Variants in GALM observed in about 807,000 individuals in gnomAD.
GALM encodes aldose 1-epimerase.
In GALM, 43 loss-of-function variants were observed where a neutral mutation model predicts 37.4. That is an observed-to-expected ratio of 1.15 (90% CI 0.90 to 1.48). The LOEUF is 1.48. Ranked by LOEUF, GALM falls within the 40% of genes most tolerant of loss-of-function variation. The pLI is 0.00. For missense variants in GALM, 456 were observed against 419.1 expected, an observed-to-expected ratio of 1.09 and a Z score of -0.77; for synonymous variants, 199 against 170.6, an observed-to-expected ratio of 1.17 and a Z score of -1.30.
intron 1 of GALM, among the ~76,000 whole-genome samples, chr2:38,671,135 A>G (rs377508688): frequency 3.3e-5 from 5 of 152,236 alleles, no homozygotes; most frequent in Non-Finnish European, 7.3e-5. Flanking sequence ...GGTTAAATCA[A>G]TATTCATGGC....
intron 4 of GALM, among the ~76,000 whole-genome samples, chr2:38,705,003 C>T (rs776805784): frequency 4.6e-5 from 7 of 152,184 alleles, no homozygotes; most frequent in Non-Finnish European, 1.0e-4. Flanking sequence ...AAACATGAAC[C>T]AGCATGGTAG....
intron 4 of GALM, among the ~76,000 whole-genome samples, chr2:38,709,630 GA>G (rs1666110527): frequency 6.6e-6 from 1 of 151,600 alleles, no homozygotes; most frequent in African/African-American, 2.4e-5. Context: ...AGAGGAAAGG[GA>G]AAAAAACCTG....
intron 3 of GALM, among the ~76,000 whole-genome samples, chr2:38,688,481 G>A (rs911435280): frequency 3.2e-4 from 49 of 151,578 alleles, no homozygotes; most frequent in East Asian, 3.9e-4. Context: ...ATTGCATTCC[G>A]GCCTTGGCAA....
At chr2:38,675,466 T>C (rs1384237800) in intron 1 of GALM, among the ~76,000 whole-genome samples, 1 of 151,508 alleles carries the variant, frequency 6.6e-6, no homozygotes, top group Non-Finnish European at 1.5e-5. Flanking sequence ...TGTGCAGCAT[T>C]CGTCTGAAGA....
chr2:38,675,551 GTGTGTGTGTGTGT>G (rs1665237401), intron 1 of GALM, among the ~76,000 whole-genome samples: 1 of 79,954 alleles, frequency 1.3e-5, no homozygotes, highest in African/African-American at 7.1e-5. Context: ...TTTTGTGTGT[GTGTGTGTGTGTGT>G]GTGTGTGTGT....
Position 38,689,828 on chromosome 2 carries a change from A to T in GALM, c.568A>T (p.Asn190Tyr), listed in dbSNP as rs6741892. ...NLAGQASPNI[N>Y]DHEVTIEADT... is the part of the protein sequence containing the mutation. Reference sequence around the variant, plus strand: ...TTCCTCCCAGGCTTCCCCAAATATAAATGACCATGAAGTCACCATAGAAGC... The same window carrying T: ...TTCCTCCCAGGCTTCCCCAAATATATATGACCATGAAGTCACCATAGAAGC... Residue 190 changes from asparagine (N) to tyrosine (Y), a missense_variant, in exon 4 of 7, where the codon AAT becomes TAT. Physicochemically the swap from Asn to Tyr is moderately radical, Grantham distance 143. Coordinates refer to ENST00000272252, the MANE Select transcript of GALM (RefSeq NM_138801.3). 0.098 allele frequency: 157,205 copies of T among 1,601,982 alleles called. 9,958 individuals carry two copies. Among genetic ancestry groups the T allele is most frequent in the African/African-American group, 0.24 (17,687 of 74,558 alleles).
At chr2:38,733,232 A>G (rs1666642482) in intron 6 of GALM, among the ~76,000 whole-genome samples, 1 of 151,928 alleles carries the variant, frequency 6.6e-6, no homozygotes, top group Non-Finnish European at 1.5e-5. Flanking sequence ...AAAAAAAAAA[A>G]AAAAAGCCTA....
intron 4 of GALM, among the ~76,000 whole-genome samples, chr2:38,708,809 G>C (rs1666095341): frequency 6.6e-6 from 1 of 152,060 alleles, no homozygotes; most frequent in South Asian, 2.1e-4. Flanking sequence ...AGGGAAGTGG[G>C]GTCAAATAAC....
chr2:38,693,172 G>C (rs762035256), intron 4 of GALM, among the ~76,000 whole-genome samples: 1 of 152,198 alleles, frequency 6.6e-6, no homozygotes, highest in Admixed American at 6.5e-5. Context: ...CCACTTTCCT[G>C]AGACGTGCTA....
intron 3 of GALM, among the ~76,000 whole-genome samples, chr2:38,687,711 C>T (rs1303075098): frequency 1.4e-5 from 2 of 145,454 alleles, no homozygotes; most frequent in South Asian, 2.2e-4. Context: ...ACTCTGCCTC[C>T]GAAAAAAAAA....
intron 3 of GALM, among the ~76,000 whole-genome samples, chr2:38,683,233 T>C (rs1005484653): frequency 6.6e-6 from 1 of 152,164 alleles, no homozygotes; most frequent in Non-Finnish European, 1.5e-5. Context: ...TTTACGACTC[T>C]TCCAATCCTG....
Position 38,726,696 on chromosome 2 carries a change from G to A in GALM, c.635-2860G>A, listed in dbSNP as rs533391907. 1.3e-3 allele frequency among the ~76,000 whole-genome samples: 191 copies of A among 151,882 alleles called. 1 individual carries two copies. Among genetic ancestry groups the A allele is most frequent in the African/African-American group, 4.6e-3 (189 of 41,438 alleles). ...AGGCCGAGATGGGCAGATCACCTGA[G>A]ACCAGCTTGGCCAAAACGGTGAAAG... On this transcript the variant is annotated intron_variant, in intron 4 of 6. Coordinates refer to ENST00000272252, the MANE Select transcript of GALM (RefSeq NM_138801.3).
chr2:38,703,820 C>G (rs1437565544), intron 4 of GALM, among the ~76,000 whole-genome samples: 1 of 151,970 alleles, frequency 6.6e-6, no homozygotes, highest in Non-Finnish European at 1.5e-5. Flanking sequence ...CGAGACCAGC[C>G]TGGGCAACAT....
At chr2:38,669,433 G>C (rs1274685883) in intron 1 of GALM, 1 of 152,208 alleles carries the variant, frequency 6.6e-6, no homozygotes, top group African/African-American at 2.4e-5. Flanking sequence ...CCCTTAAAAG[G>C]GACGGGAATT....
In GALM at chr2:38,707,005, A is replaced by G. The variant is rs915898375; in HGVS notation, c.634+17111A>G. On this transcript the variant is annotated intron_variant, in intron 4 of 6. Transcript: ENST00000272252. ...CAGGAGGCCTGAATTGAATGCATAG[A>G]TGAGGAAGCAGGAAGGCTGTGTGAT... Among the ~76,000 whole-genome samples the G allele has an allele frequency of 4.6e-5, 7 of 151,242 alleles. 1 individual carries two copies. The Admixed American group carries it at 4.6e-4, about 10-fold the overall frequency.
At chr2:38,666,423 C>A in intron 1 of GALM, 72 bp downstream of exon 1, 1 of 1,208,516 alleles carries the variant, frequency 8.3e-7, no homozygotes, top group Non-Finnish European at 1.2e-6. Context: ...ATCTAGCGGG[C>A]CACTTGCAAT....
At chr2:38,727,043 C>T (rs111688986) in intron 4 of GALM, among the ~76,000 whole-genome samples, 6,887 of 151,870 alleles carry the variant, frequency 0.045, 518 homozygotes, top group African/African-American at 0.16. Context: ...TGTTGAAACC[C>T]CGTCTCTACA....
intron 4 of GALM, among the ~76,000 whole-genome samples, chr2:38,727,879 T>C (rs1666519999): frequency 6.6e-6 from 1 of 152,184 alleles, no homozygotes. Flanking sequence ...TTTAAATTAT[T>C]TTAATGGTAA....
intron 4 of GALM, among the ~76,000 whole-genome samples, chr2:38,722,030 TCCCCCCCCCACCCC>T (rs1311285951): frequency 2.4e-5 from 1 of 41,386 alleles, no homozygotes; most frequent in Non-Finnish European, 4.1e-5. Flanking sequence ...TGCCTTCCCT[TCCCCCCCCCACCCC>T]CCCCCCCCAC....
Sources: gnomAD v4.1 joint callset for allele counts (sites outside exome capture counted in the v4.1 genomes callset) on GRCh38, gnomAD v4.1.1 for gene constraint, MANE v1.5 for transcripts, NCBI Gene and HGNC (gene_info 2026-07-23, HGNC 2026-07-21) for gene names.